Variants in GNA12 observed in about 807,000 individuals in gnomAD.
GNA12 encodes guanine nucleotide-binding protein subunit alpha-12.
In GNA12, 9 loss-of-function variants were observed where a neutral mutation model predicts 26.0. The observed-to-expected ratio is 0.35, with a 90% CI of 0.21 to 0.60. GNA12 has a LOEUF of 0.60. Ranked by LOEUF, GNA12 falls within the 20% of genes least tolerant of loss-of-function variation. The pLI is 0.78. For missense variants in GNA12, 405 were observed against 525.8 expected, an observed-to-expected ratio of 0.77 and a Z score of 2.25; for synonymous variants, 264 against 219.6, an observed-to-expected ratio of 1.20 and a Z score of -1.79.
chr7:2,737,274 G>GTTTTGTTTTGTTTTGTTT (rs1790242698), intron 2 of GNA12, among the ~76,000 whole-genome samples: 1 of 35,032 alleles, frequency 2.9e-5, no homozygotes, highest in African/African-American at 9.9e-5. Flanking sequence ...GTTTTGTTTT[G>GTTTTGTTTTGTTTTGTTT]TTTTTTTTTT....
chr7:2,759,263 G>C (rs1259608664), intron 2 of GNA12, among the ~76,000 whole-genome samples: 10 of 152,120 alleles, frequency 6.6e-5, no homozygotes, highest in Non-Finnish European at 1.5e-5. Context: ...TGGTTATACT[G>C]TCCTTATTTA....
At chr7:2,839,350 G>A (rs535538273) in intron 1 of GNA12, among the ~76,000 whole-genome samples, 5 of 151,870 alleles carry the variant, frequency 3.3e-5, no homozygotes, top group East Asian at 1.9e-4. Flanking sequence ...CCTCCCACCC[G>A]CCTCCCAGGT....
chr7:2,806,260 C>A (rs1282672646), intron 1 of GNA12, among the ~76,000 whole-genome samples: 2 of 152,050 alleles, frequency 1.3e-5, no homozygotes, highest in Non-Finnish European at 2.9e-5. Flanking sequence ...AGGCAGATCA[C>A]CTGAGGTCAG....
At chr7:2,745,256 G>T (rs1404902032) in intron 2 of GNA12, among the ~76,000 whole-genome samples, 1 of 152,204 alleles carries the variant, frequency 6.6e-6, no homozygotes, top group African/African-American at 2.4e-5. Context: ...AAAATGTTAA[G>T]GGCAGCCAGA....
rs188582037 is a variant in GNA12 at position 2,751,323 on chromosome 7, C to T, written c.526-17822G>A. ...GGAGGATCACTTCAACCCAGAAGGC[C>T]GAGGCTGCAGTGAGCCAAGACTGCA... is the stretch of plus-strand genomic sequence containing the variant. On this transcript the variant is annotated intron_variant, in intron 2 of 3. Transcript: ENST00000275364. Among the ~76,000 whole-genome samples the T allele has an allele frequency of 4.3e-3, 645 of 150,086 alleles. 6 individuals are homozygous for T. The highest frequency in any genetic ancestry group is 0.015 in the African/African-American group (613 of 40,768).
chr7:2,731,137 C>T lies in GNA12; in HGVS notation c.*44G>A. 2.2e-6 allele frequency: 3 copies of T among 1,342,094 alleles called. No homozygotes were observed. The highest frequency in any genetic ancestry group is 2.5e-5 in the South Asian group (2 of 78,618). The allele number at this position is 1,342,094 out of a possible 1,614,324, so 83.1% of individuals were successfully genotyped here. A position where few individuals can be genotyped will look rare whatever the true frequency, so the allele number is the denominator to read the frequency against. On this transcript the variant is annotated 3_prime_UTR_variant, in exon 4 of 4. Transcript: ENST00000275364. The surrounding 1 kb of genome is among the most constrained non-coding windows in gnomAD (Gnocchi z 6.0). ...ACACACCCAAGAGTCTGACCGACAG[C>T]CGTGGGGGCTGCTCAACGACGACAA... is the stretch of plus-strand genomic sequence containing the variant.
At chr7:2,835,048 C>T (rs1419454997) in intron 1 of GNA12, among the ~76,000 whole-genome samples, 1 of 152,184 alleles carries the variant, frequency 6.6e-6, no homozygotes, top group Non-Finnish European at 1.5e-5. Context: ...TACACTAATG[C>T]AATCATGTGG....
intron 1 of GNA12, among the ~76,000 whole-genome samples, chr7:2,816,202 C>T (rs1435696321): frequency 2.0e-5 from 3 of 151,626 alleles, no homozygotes; most frequent in African/African-American, 7.3e-5. Flanking sequence ...CTTCACGCAC[C>T]CCCATGGACA....
chr7:2,838,842 T>C (rs1175594424), intron 1 of GNA12, among the ~76,000 whole-genome samples: 2 of 152,200 alleles, frequency 1.3e-5, no homozygotes. Flanking sequence ...TATCAAGATA[T>C]AATAATCCTA....
chr7:2,741,837 A>G (rs1259089296), intron 2 of GNA12, among the ~76,000 whole-genome samples: 2 of 150,928 alleles, frequency 1.3e-5, no homozygotes, highest in African/African-American at 4.9e-5. Flanking sequence ...CGCCGCAAGG[A>G]TAAGAGTATT....
At chr7:2,815,025 C>G (rs1793184424) in intron 1 of GNA12, 2 of 1,512,770 alleles carry the variant, frequency 1.3e-6, no homozygotes, top group Non-Finnish European at 1.8e-6. Flanking sequence ...TCCACCCAAT[C>G]CAGTCCCCTG....
intron 2 of GNA12, among the ~76,000 whole-genome samples, chr7:2,771,214 C>G (rs1485243566): frequency 6.6e-6 from 1 of 152,090 alleles, no homozygotes; most frequent in African/African-American, 2.4e-5. Flanking sequence ...TCGCTTGAAC[C>G]TGGGAGGTGG....
intron 2 of GNA12, among the ~76,000 whole-genome samples, chr7:2,742,636 T>C (rs1790566991): frequency 6.6e-6 from 1 of 152,226 alleles, no homozygotes; most frequent in Non-Finnish European, 1.5e-5. Flanking sequence ...AAGTCAGCTG[T>C]CAATGTCTAC....
intron 2 of GNA12, among the ~76,000 whole-genome samples, chr7:2,775,028 T>A (rs1293375875): frequency 1.3e-5 from 2 of 152,188 alleles, no homozygotes; most frequent in Non-Finnish European, 1.5e-5. Context: ...GTTAAACAAT[T>A]TGGACTTTTC....
At chr7:2,802,703 G>A (rs970192481) in intron 1 of GNA12, among the ~76,000 whole-genome samples, 31 of 152,062 alleles carry the variant, frequency 2.0e-4, no homozygotes, top group African/African-American at 6.5e-4. Flanking sequence ...AAACCCACTC[G>A]GCTGAGTTGT....
intron 2 of GNA12, among the ~76,000 whole-genome samples, chr7:2,738,392 CTG>C (rs922968604): frequency 2.0e-5 from 3 of 152,182 alleles, no homozygotes; most frequent in African/African-American, 7.2e-5. Flanking sequence ...CTTGAGGAAA[CTG>C]TGATCTCCAC....
At chr7:2,778,259 G>A (rs936561763) in intron 2 of GNA12, among the ~76,000 whole-genome samples, 3 of 152,168 alleles carry the variant, frequency 2.0e-5, no homozygotes, top group African/African-American at 7.2e-5. Context: ...ATTTCATTTG[G>A]CTTAAACGCA....
intron 2 of GNA12, among the ~76,000 whole-genome samples, chr7:2,750,866 C>G (rs1025329226): frequency 2.6e-5 from 4 of 152,208 alleles, no homozygotes; most frequent in African/African-American, 7.2e-5. Context: ...AGCTTGGGAA[C>G]TGAAATAACT....
At chr7:2,787,847 C>T (rs1411611206) in intron 2 of GNA12, among the ~76,000 whole-genome samples, 1 of 152,132 alleles carries the variant, frequency 6.6e-6, no homozygotes, top group African/African-American at 2.4e-5. Context: ...ACTCTGTTAC[C>T]ACGGCAGAGA....
Sources: gnomAD v4.1 joint callset for allele counts (sites outside exome capture counted in the v4.1 genomes callset) on GRCh38, gnomAD v4.1.1 for gene constraint, Gnocchi (gnomAD v3.1) non-coding constraint, MANE v1.5 for transcripts, NCBI Gene and HGNC (gene_info 2026-07-23, HGNC 2026-07-21) for gene names.